LARP4: variants seen among roughly 807,000 people sequenced by gnomAD.
LARP4 encodes the protein La ribonucleoprotein 4.
Under a neutral mutation model 92.9 loss-of-function variants are expected in LARP4, and 29 were observed. The observed-to-expected ratio is 0.31, with a 90% CI of 0.23 to 0.43. LARP4 has a LOEUF of 0.43. Ranked by LOEUF, LARP4 falls within the 20% of genes least tolerant of loss-of-function variation. LARP4 has a pLI of 1.00. For synonymous variants in LARP4, 279 were observed against 284.1 expected (o/e 0.98, Z 0.18); for missense variants, 732 against 860.0 (o/e 0.85, Z 1.86).
At chr12:50,425,792 G>T (rs1948613930) in intron 1 of LARP4, among the ~76,000 whole-genome samples, 1 of 152,000 alleles carries the variant, frequency 6.6e-6, no homozygotes, top group Admixed American at 6.6e-5. Flanking sequence ...ACTTCTCTGG[G>T]CCTGTCTCAG....
At chr12:50,446,230 T>C (rs1033944680) in intron 8 of LARP4, among the ~76,000 whole-genome samples, 15 of 148,386 alleles carry the variant, frequency 1.0e-4, no homozygotes, top group African/African-American at 3.5e-4. Flanking sequence ...ATGGTCTCGA[T>C]TTCCTGACCT....
chr12:50,409,094 GA>G (rs778590079), intron 1 of LARP4, among the ~76,000 whole-genome samples: 34 of 151,106 alleles, frequency 2.3e-4, no homozygotes, highest in African/African-American at 7.0e-4. Context: ...GTTGGAGGAA[GA>G]AAAAAAATAG....
At chr12:50,438,273 C>A (rs577147583) in intron 6 of LARP4, among the ~76,000 whole-genome samples, 1 of 151,676 alleles carries the variant, frequency 6.6e-6, no homozygotes, top group African/African-American at 2.4e-5. Context: ...CTGAGGCAGG[C>A]GGATCGTGAG....
chr12:50,446,781 G>T (rs1952270906), intron 8 of LARP4, among the ~76,000 whole-genome samples: 1 of 151,892 alleles, frequency 6.6e-6, no homozygotes, highest in Non-Finnish European at 1.5e-5. Context: ...TTCCTTAGGG[G>T]ACATTTTAAC....
intron 3 of LARP4, 29 bp from the exon 4 acceptor site, chr12:50,430,465 CT>C (rs1949475849): frequency 3.1e-5 from 42 of 1,371,946 alleles, no homozygotes; most frequent in Middle Eastern, 1.8e-4. Flanking sequence ...ATGCTATTAA[CT>C]TTTTTTCCCT....
intron 12 of LARP4, among the ~76,000 whole-genome samples, chr12:50,463,615 G>A (rs1179486007): frequency 6.6e-6 from 1 of 151,800 alleles, no homozygotes; most frequent in African/African-American, 2.4e-5. Context: ...AATCTCCTTT[G>A]ACTCCATGTC....
chr12:50,452,559 A>C (rs761848659), intron 8 of LARP4, among the ~76,000 whole-genome samples: 5 of 152,194 alleles, frequency 3.3e-5, no homozygotes, highest in Non-Finnish European at 5.9e-5. Context: ...AACAGTGTAC[A>C]AAAGTTCCCT....
chr12:50,475,512 T>C lies in LARP4; in HGVS notation c.1837-14T>C. 6.4e-7 allele frequency: 1 copy of C among 1,559,540 alleles called. No individual in the cohort carries two copies. Among genetic ancestry groups the C allele is most frequent in the Non-Finnish European group, 8.7e-7 (1 of 1,151,692 alleles). On this transcript the variant is annotated splice_polypyrimidine_tract_variant and intron_variant, in intron 15 of 15. Transcript: ENST00000398473. The stretch of plus-strand genomic sequence containing the variant: ...TGTGTACCATAAATGTTTTTTTTTA[T>C]CATCACTTCAAAGGAACCCCGAAAG...
intron 10 of LARP4, chr12:50,455,060 C>T (rs1226023458): frequency 6.6e-6 from 1 of 152,156 alleles, no homozygotes; most frequent in Non-Finnish European, 1.5e-5. Flanking sequence ...TGAACCTAGG[C>T]AGTTCAACTC....
Position 50,401,032 on chromosome 12 carries a change from A to G in LARP4, c.18+4A>G. On this transcript the variant is annotated splice_donor_region_variant and intron_variant, in intron 1 of 15. Transcript: ENST00000398473. ...CGACATGTTGCTTTTCGTGGAGGTG[A>G]GTGCATTATGCTAGTCTCGTCCTGC... is the stretch of plus-strand genomic sequence containing the variant. The G allele has an allele frequency of 6.2e-7, 1 of 1,614,018 alleles. No homozygotes were observed. The highest frequency in any genetic ancestry group is 1.1e-5 in the South Asian group (1 of 91,084).
chr12:50,448,252 C>T (rs982979806), intron 8 of LARP4, among the ~76,000 whole-genome samples: 74 of 152,158 alleles, frequency 4.9e-4, no homozygotes, highest in African/African-American at 1.8e-3. Context: ...ATCTTTTTCC[C>T]CCCATCTTAA....
chr12:50,473,285 TCACCGTGG>T, intron 13 of LARP4, 122 bp from the exon 14 acceptor site: 2 of 631,796 alleles, frequency 3.2e-6, no homozygotes, highest in South Asian at 2.0e-5. Context: ...AAGTGATTTT[TCACCGTGG>T]TTTAGCTTTG....
intron 1 of LARP4, among the ~76,000 whole-genome samples, chr12:50,408,531 C>T (rs1419193009): frequency 6.6e-6 from 1 of 151,630 alleles, no homozygotes; most frequent in Non-Finnish European, 1.5e-5. Flanking sequence ...GAAAAGTCTG[C>T]AGTAATGCAG....
At chr12:50,414,520 C>T (rs1228285325) in intron 1 of LARP4, among the ~76,000 whole-genome samples, 18 of 152,296 alleles carry the variant, frequency 1.2e-4, no homozygotes, top group Non-Finnish European at 2.1e-4. Flanking sequence ...CCAGGCTGAT[C>T]TTGAATTCCT....
intron 5 of LARP4, among the ~76,000 whole-genome samples, 173 bp from the exon 6 acceptor site, chr12:50,437,562 C>T (rs1179522378): frequency 6.6e-6 from 1 of 152,082 alleles, no homozygotes; most frequent in East Asian, 1.9e-4. Context: ...ATACAAATCT[C>T]CAAAAAATTG....
At chr12:50,447,875 C>A (rs898791968) in intron 8 of LARP4, among the ~76,000 whole-genome samples, 5 of 151,552 alleles carry the variant, frequency 3.3e-5, no homozygotes, top group African/African-American at 1.2e-4. Flanking sequence ...CCATTTTTTT[C>A]TATTTTTTTT....
chr12:50,442,783 T>C (rs1298354808), intron 8 of LARP4, among the ~76,000 whole-genome samples: 1 of 152,236 alleles, frequency 6.6e-6, no homozygotes, highest in African/African-American at 2.4e-5. Flanking sequence ...ACCTACCTAG[T>C]TTCACATAAC....
chr12:50,467,039 T>A lies in LARP4; in HGVS notation c.1464T>A (p.Pro488=), dbSNP rs1403125977. ...DLLASNFPPL[P]GSSSRMPGEL... ...TAGCCTCAAATTTTCCACCTTTACC[T>A]GGAAGTTCATCAAGAATGCCAGGTG... Residue 488 remains proline (P), a synonymous_variant, in exon 13 of 16, where the codon CCT becomes CCA. Transcript: ENST00000398473. 3 of 1,613,692 alleles carry A rather than the reference T, an allele frequency of 1.9e-6. No homozygotes were observed. Among genetic ancestry groups the A allele is most frequent in the Non-Finnish European group, 2.5e-6 (3 of 1,179,778 alleles).
intron 14 of LARP4, 125 bp from the exon 15 acceptor site, chr12:50,473,874 C>G (rs1348917452): frequency 2.9e-6 from 2 of 694,358 alleles, no homozygotes; most frequent in South Asian, 3.8e-5. Flanking sequence ...CATGCCACTA[C>G]ACTCCAGCCT....
Sources: allele counts gnomAD v4.1 joint callset (sites outside exome capture counted in the v4.1 genomes callset), GRCh38; gene constraint gnomAD v4.1.1; transcripts MANE v1.5; gene names NCBI Gene and HGNC (gene_info 2026-07-23, HGNC 2026-07-21).